SLC10A6: variants seen among roughly 807,000 people sequenced by gnomAD.
The protein encoded by SLC10A6 is solute carrier family 10 member 6.
In SLC10A6, 27 loss-of-function variants were observed where a neutral mutation model predicts 30.0. The ratio of observed to expected loss-of-function variants is 0.90; its 90% confidence interval spans 0.66 to 1.24. SLC10A6 has a LOEUF of 1.24. Ranked by LOEUF, SLC10A6 falls within the 50% of genes most tolerant of loss-of-function variation. The pLI is 0.00. For synonymous variants in SLC10A6, 166 were observed against 173.8 expected, an observed-to-expected ratio of 0.95 and a Z score of 0.36; for missense variants, 439 against 457.0, an observed-to-expected ratio of 0.96 and a Z score of 0.36.
In SLC10A6 at chr4:86,848,763, C is replaced by A. The variant is rs758772684; in HGVS notation, c.353G>T (p.Trp118Leu). ...CCTGAGATCCATATCTCCATCAACCCAGAAGGTGAAAATGTTAGAGATGGT... is the reference window on the plus strand; with the variant it reads ...CCTGAGATCCATATCTCCATCAACCAAGAAGGTGAAAATGTTAGAGATGGT... ...GGTISNIFTFWVDGDMDLSIS... is the reference protein window; with the variant it reads ...GGTISNIFTFLVDGDMDLSIS... Residue 118 changes from tryptophan (W) to leucine (L), a missense_variant, in exon 1 of 6, where the codon TGG becomes TTG. Trp to Leu is a moderately conservative substitution (Grantham distance 61). Coordinates refer to ENST00000273905, the MANE Select transcript of SLC10A6 (RefSeq NM_197965.3). The A allele has an allele frequency of 3.7e-6, 6 of 1,600,856 alleles. No individual in the cohort carries two copies. The East Asian group carries it at 1.3e-4, about 36-fold the overall frequency.
At chr4:86,837,289 GA>G (rs1560460377) in intron 1 of SLC10A6, among the ~76,000 whole-genome samples, 56 of 85,938 alleles carry the variant, frequency 6.5e-4, no homozygotes, top group Non-Finnish European at 9.7e-4. Flanking sequence ...GAAAGAAAAA[GA>G]AAGGAAGGAA....
rs200815451 is a variant in SLC10A6 at position 86,831,842 on chromosome 4, C to T, written c.535G>A (p.Gly179Ser). The T allele has an allele frequency of 1.2e-6, 2 of 1,613,518 alleles. No homozygotes were observed. Among genetic ancestry groups the T allele is most frequent in the East Asian group, 2.2e-5 (1 of 44,822 alleles). ...LVCLTIPVAF[G>S]VYVNYRWPKQ... ...GGCCATCTGTAATTCACATAGACAC[C>T]AAAGGCCACAGGAATGGTCAGGCAC... The change falls in exon 3 of 6, where the codon GGT becomes AGT. Residue 179 changes from glycine to serine, a missense_variant. Transcript: ENST00000273905.
At chr4:86,843,722 T>C (rs904207304) in intron 1 of SLC10A6, among the ~76,000 whole-genome samples, 2 of 152,208 alleles carry the variant, frequency 1.3e-5, no homozygotes, top group Non-Finnish European at 2.9e-5. Flanking sequence ...GAGCAGGGAC[T>C]AAAACACAGA....
In SLC10A6 at chr4:86,825,422, G is replaced by A; in HGVS notation, c.917C>T (p.Ala306Val). ...FQLIDGFLIV[A>V]AYQTYKRRLK... Reference sequence around the variant, plus strand: ...CTACCCAATGGGTGTTCACCCACCTGCAACAATAAGAAATCCATCTATCAG... The same window carrying A: ...CTACCCAATGGGTGTTCACCCACCTACAACAATAAGAAATCCATCTATCAG... Residue 306 changes from alanine (A) to valine (V), a missense_variant and splice_region_variant, in exon 5 of 6, where the codon GCA becomes GTA. Physicochemically the swap from Ala to Val is moderately conservative, Grantham distance 64. Transcript: ENST00000273905. 3 of 1,585,260 alleles carry A rather than the reference G, an allele frequency of 1.9e-6. No individual in the cohort carries two copies. The highest frequency in any genetic ancestry group is 2.6e-6 in the Non-Finnish European group (3 of 1,157,426).
chr4:86,835,942 G>C (rs1292162563), intron 1 of SLC10A6, among the ~76,000 whole-genome samples: 1 of 152,144 alleles, frequency 6.6e-6, no homozygotes, highest in African/African-American at 2.4e-5. Context: ...TCCAGTCTTT[G>C]GTGAACAAAC....
intron 3 of SLC10A6, among the ~76,000 whole-genome samples, chr4:86,829,507 G>C (rs932340066): frequency 1.3e-5 from 2 of 151,634 alleles, no homozygotes; most frequent in African/African-American, 2.4e-5. Flanking sequence ...AGAGCAAATG[G>C]GGAACACTTA....
chr4:86,846,753 G>A (rs1746398576), intron 1 of SLC10A6, among the ~76,000 whole-genome samples: 1 of 152,110 alleles, frequency 6.6e-6, no homozygotes, highest in Non-Finnish European at 1.5e-5. Context: ...ATGTGTGTGT[G>A]TGTTTGAGTG....
In SLC10A6 at chr4:86,827,922, A is replaced by G. The variant is rs537128200; in HGVS notation, c.761+71T>C. ...ACTCTTCATGTCTCCTGACACAGGC[A>G]GCAAAGCCTACCAGTGGCAGTGTGT... On this transcript the variant is annotated intron_variant, in intron 4 of 5. Coordinates refer to ENST00000273905, the MANE Select transcript of SLC10A6 (RefSeq NM_197965.3). The G allele has an allele frequency of 2.1e-6, 3 of 1,438,798 alleles. No homozygotes were observed. In the Admixed American group the frequency reaches 6.1e-5, roughly 29 times the overall value. 89.1% of individuals were successfully genotyped at this position (1,438,798 alleles called of 1,614,324 possible).
intron 1 of SLC10A6, among the ~76,000 whole-genome samples, chr4:86,845,022 G>A (rs1243000947): frequency 3.3e-5 from 5 of 152,152 alleles, no homozygotes; most frequent in African/African-American, 1.2e-4. Flanking sequence ...AGACACACGG[G>A]AATTACAATT....
chr4:86,843,503 A>G (rs922869191), intron 1 of SLC10A6, among the ~76,000 whole-genome samples: 5 of 152,162 alleles, frequency 3.3e-5, no homozygotes, highest in African/African-American at 1.2e-4. Context: ...CTTTTCCTAT[A>G]GTCACAAAAT....
chr4:86,846,703 G>A (rs1009804756), intron 1 of SLC10A6, among the ~76,000 whole-genome samples: 5 of 152,170 alleles, frequency 3.3e-5, no homozygotes, highest in Admixed American at 6.5e-5. Flanking sequence ...TCCAGCCTGG[G>A]CGACAAGAGT....
At chr4:86,824,301 C>G (rs1231020573) in intron 5 of SLC10A6, among the ~76,000 whole-genome samples, 55 of 152,190 alleles carry the variant, frequency 3.6e-4, no homozygotes, top group Admixed American at 3.6e-3. Context: ...GCTTCAGTCT[C>G]TCCATGAGAA....
At chr4:86,843,666 T>A (rs997207107) in intron 1 of SLC10A6, among the ~76,000 whole-genome samples, 2 of 152,184 alleles carry the variant, frequency 1.3e-5, no homozygotes, top group African/African-American at 4.8e-5. Flanking sequence ...ATATATATTA[T>A]GATATATCAT....
chr4:86,842,598 G>A (rs2149413515), intron 1 of SLC10A6, among the ~76,000 whole-genome samples: 1 of 151,932 alleles, frequency 6.6e-6, no homozygotes. Flanking sequence ...TCAGAAGGCT[G>A]AGGTGAGAGG....
At chr4:86,833,743 C>A (rs1369752257) in intron 1 of SLC10A6, among the ~76,000 whole-genome samples, 3 of 152,072 alleles carry the variant, frequency 2.0e-5, no homozygotes, top group Non-Finnish European at 4.4e-5. Flanking sequence ...CCATAAAATT[C>A]ATCATTTTAA....
intron 5 of SLC10A6, among the ~76,000 whole-genome samples, chr4:86,824,257 G>T (rs1401361164): frequency 3.3e-5 from 5 of 152,138 alleles, no homozygotes; most frequent in Non-Finnish European, 7.4e-5. Context: ...CTGGGTTCTG[G>T]GCTAGAGCTG....
At chr4:86,837,343 A>AAGGCAGGCAGGCAGGCAGGCAGGC (rs1553899233) in intron 1 of SLC10A6, among the ~76,000 whole-genome samples, 6 of 102,988 alleles carry the variant, frequency 5.8e-5, no homozygotes, top group African/African-American at 2.4e-4. Context: ...GGAAGGAAGG[A>AAGGCAGGCAGGCAGGCAGGCAGGC]AGGCAGGCAG....
chr4:86,828,099 A>G lies in SLC10A6; in HGVS notation c.655T>C (p.Ser219Pro), dbSNP rs769538075. 6.2e-7 allele frequency: 1 copy of G among 1,613,982 alleles called. No homozygotes were observed. ...AVAGVVLAKG[S>P]WNSDITLLTI... The stretch of plus-strand genomic sequence containing the variant: ...AGAAGGGTGATGTCTGAATTCCAAG[A>G]TCCTTTCGCCAGGACCACACCAGCA... The change falls in exon 4 of 6, where the codon TCT (serine) becomes CCT (proline). Residue 219 changes from serine (S) to proline (P), a missense_variant. Physicochemically the swap from Ser to Pro is moderately conservative, Grantham distance 74. Coordinates refer to ENST00000273905, the MANE Select transcript of SLC10A6 (RefSeq NM_197965.3).
intron 1 of SLC10A6, among the ~76,000 whole-genome samples, chr4:86,834,772 G>A (rs1746152099): frequency 6.6e-6 from 1 of 152,128 alleles, no homozygotes; most frequent in Non-Finnish European, 1.5e-5. Flanking sequence ...TAGTTCTGCA[G>A]GCTGTACAAG....
Sources: gnomAD v4.1 joint callset for allele counts (sites outside exome capture counted in the v4.1 genomes callset) on GRCh38, gnomAD v4.1.1 for gene constraint, MANE v1.5 for transcripts, NCBI Gene and HGNC (gene_info 2026-07-23, HGNC 2026-07-21) for gene names.